LRP1B: variants seen among roughly 807,000 people sequenced by gnomAD.
The protein encoded by LRP1B is LDL receptor related protein 1B.
LRP1B carries 217 observed loss-of-function variants against 556.6 expected under a neutral mutation model. The ratio of observed to expected loss-of-function variants is 0.39; its 90% CI spans 0.35 to 0.44. The LOEUF is 0.44. Among genes scored for constraint, LRP1B ranks in the 20% least tolerant of loss-of-function variants. LRP1B has a pLI of 1.00. For synonymous variants in LRP1B, 2,047 were observed against 1,865.8 expected (o/e 1.10, Z -2.50); for missense variants, 5,053 against 5,620.8 (o/e 0.90, Z 3.23).
chr2:140,242,890 T>C (rs1681011567), intron 87 of LRP1B, among the ~76,000 whole-genome samples: 1 of 151,152 alleles, frequency 6.6e-6, no homozygotes, highest in Admixed American at 6.6e-5. Context: ...AGGATGATGT[T>C]GAAGAAAATT....
intron 1 of LRP1B, among the ~76,000 whole-genome samples, chr2:141,957,486 G>C (rs1258859219): frequency 6.6e-6 from 1 of 151,716 alleles, no homozygotes; most frequent in Middle Eastern, 3.2e-3. Flanking sequence ...TTGCCTTGTC[G>C]GGAGAACTCA....
intron 2 of LRP1B, among the ~76,000 whole-genome samples, chr2:141,547,693 C>T (rs550682638): frequency 8.4e-4 from 128 of 152,256 alleles, no homozygotes; most frequent in Non-Finnish European, 1.3e-3. Flanking sequence ...TTTTTCTCAT[C>T]TCCTACCTCA....
At chr2:141,060,810 G>A (rs1423299081) in intron 8 of LRP1B, among the ~76,000 whole-genome samples, 1 of 151,646 alleles carries the variant, frequency 6.6e-6, no homozygotes, top group African/African-American at 2.4e-5. Context: ...GGAGCAGTAG[G>A]TAAACCATTT....
At chr2:141,420,379 C>T (rs1449515524) in intron 3 of LRP1B, among the ~76,000 whole-genome samples, 1 of 152,182 alleles carries the variant, frequency 6.6e-6, no homozygotes, top group Admixed American at 6.5e-5. Context: ...CAGGGAAAGA[C>T]CTTCACCGTC....
At chr2:141,699,914 A>G (rs529393583) in intron 2 of LRP1B, among the ~76,000 whole-genome samples, 33 of 150,030 alleles carry the variant, frequency 2.2e-4, no homozygotes, top group Non-Finnish European at 1.3e-4. Flanking sequence ...CCTCCAGGGC[A>G]CATTCCTTTG....
At chr2:140,764,907 A>T (rs1689048559) in intron 35 of LRP1B, among the ~76,000 whole-genome samples, 1 of 152,190 alleles carries the variant, frequency 6.6e-6, no homozygotes, top group Non-Finnish European at 1.5e-5. Flanking sequence ...TAGCCAGATT[A>T]CTATGTGATG....
intron 20 of LRP1B, among the ~76,000 whole-genome samples, chr2:140,932,464 A>G (rs935537651): frequency 2.6e-5 from 4 of 152,150 alleles, no homozygotes; most frequent in African/African-American, 9.6e-5. Flanking sequence ...GCAACAGGCA[A>G]AGCCTAAAAT....
chr2:141,369,469 T>C (rs1258933122), intron 3 of LRP1B, among the ~76,000 whole-genome samples: 5 of 152,158 alleles, frequency 3.3e-5, no homozygotes, highest in Non-Finnish European at 7.4e-5. Context: ...GAAGCCAATG[T>C]CAACATTTTA....
intron 77 of LRP1B, among the ~76,000 whole-genome samples, chr2:140,339,524 C>T (rs76874998): frequency 0.023 from 3,488 of 151,556 alleles, 49 homozygotes; most frequent in Non-Finnish European, 0.023. Flanking sequence ...TTAGTTATCT[C>T]CCAATGGAAT....
chr2:141,413,678 G>A (rs1215438048), intron 3 of LRP1B, among the ~76,000 whole-genome samples: 4 of 152,114 alleles, frequency 2.6e-5, no homozygotes, highest in African/African-American at 7.2e-5. Flanking sequence ...TTGGGAGGGA[G>A]AGGCAGGCAA....
chr2:140,960,413 C>T (rs1696000890), intron 18 of LRP1B, among the ~76,000 whole-genome samples: 1 of 151,826 alleles, frequency 6.6e-6, no homozygotes, highest in East Asian at 1.9e-4. Flanking sequence ...ATCAAATTAT[C>T]AGTGAGCTTC....
chr2:142,115,976 G>A (rs1707258017), intron 1 of LRP1B, among the ~76,000 whole-genome samples: 2 of 142,090 alleles, frequency 1.4e-5, no homozygotes, highest in Non-Finnish European at 3.0e-5. Context: ...CAGCACTTTG[G>A]GAGGCCAAGG....
intron 6 of LRP1B, chr2:141,208,499 A>C (rs1419736974): frequency 1.3e-5 from 2 of 152,244 alleles, no homozygotes; most frequent in Non-Finnish European, 2.9e-5. Context: ...CAGAAAAGCT[A>C]GATTAAGGTT....
intron 1 of LRP1B, among the ~76,000 whole-genome samples, chr2:142,085,771 T>TC (rs1253200553): frequency 1.3e-5 from 2 of 152,176 alleles, no homozygotes; most frequent in African/African-American, 2.4e-5. Flanking sequence ...ATATCTTCAA[T>TC]CCCCCAAGTT....
At chr2:142,062,916 T>C (rs1434764623) in intron 1 of LRP1B, among the ~76,000 whole-genome samples, 2 of 151,602 alleles carry the variant, frequency 1.3e-5, no homozygotes, top group Non-Finnish European at 3.0e-5. Flanking sequence ...CCTAAAGTCA[T>C]TATGTTCAAT....
At chr2:140,456,246 T>G (rs537918123) in intron 62 of LRP1B, among the ~76,000 whole-genome samples, 2 of 152,308 alleles carry the variant, frequency 1.3e-5, no homozygotes, top group Non-Finnish European at 2.9e-5. Flanking sequence ...CTTTTCTTTC[T>G]CTCTCTTTTT....
At chr2:141,395,013 T>G (rs1357249482) in intron 3 of LRP1B, among the ~76,000 whole-genome samples, 1 of 152,104 alleles carries the variant, frequency 6.6e-6, no homozygotes, top group African/African-American at 2.4e-5. Context: ...GAGATTTTAG[T>G]CAATGATGGA....
chr2:142,113,189 T>G (rs923532925), intron 1 of LRP1B, among the ~76,000 whole-genome samples: 5 of 152,054 alleles, frequency 3.3e-5, no homozygotes, highest in Non-Finnish European at 7.4e-5. Flanking sequence ...TCAAGCCCAC[T>G]TCTCTTGGTT....
intron 3 of LRP1B, among the ~76,000 whole-genome samples, chr2:141,378,935 C>T (rs754701677): frequency 2.6e-5 from 4 of 151,842 alleles, no homozygotes; most frequent in African/African-American, 7.3e-5. Context: ...AGAAAGGAGA[C>T]GAACAGGGAA....
Sources: allele counts gnomAD v4.1 joint callset (sites outside exome capture counted in the v4.1 genomes callset), GRCh38; gene constraint gnomAD v4.1.1; transcripts MANE v1.5; gene names NCBI Gene and HGNC (gene_info 2026-07-23, HGNC 2026-07-21).